The following PCDHGA4 variants were observed in gnomAD, a reference collection of about 807,000 sequenced individuals.
PCDHGA4 encodes the protein protocadherin gamma-A4.
In PCDHGA4, 38 loss-of-function variants were observed where a neutral mutation model predicts 54.6. The ratio of observed to expected loss-of-function variants is 0.70; its 90% CI spans 0.54 to 0.91. PCDHGA4 has a LOEUF of 0.91. PCDHGA4 is among the 40% of genes least tolerant of loss of function. PCDHGA4 has a pLI of 0.00. For synonymous variants in PCDHGA4, 511 were observed against 512.9 expected, an observed-to-expected ratio of 1.00 and a Z score of 0.05; for missense variants, 1,298 against 1,220.9, an observed-to-expected ratio of 1.06 and a Z score of -0.94.
intron 1 of PCDHGA4, chr5:141,372,557 C>T (rs1157406998): frequency 5.0e-6 from 8 of 1,614,048 alleles, no homozygotes; most frequent in Admixed American, 3.3e-5. Context: ...CCTCCAGACC[C>T]GCCACTGAGG....
In PCDHGA4 at chr5:141,485,576, C is replaced by T. The variant is rs1347032247; in HGVS notation, c.2515-9231C>T. ...GAATGATCACGCCCCCCGTTTTCCG[C>T]GGCAGCAGCTGGACTTGGAAATTGG... On this transcript the variant is annotated intron_variant, in intron 1 of 3. Transcript: ENST00000571252. The surrounding 1 kb of genome is among the most constrained non-coding windows in gnomAD (Gnocchi z 5.7). 21 of 1,612,296 alleles carry T rather than the reference C, an allele frequency of 1.3e-5. 1 individual carries two copies. Among genetic ancestry groups the T allele is most frequent in the Non-Finnish European group, 1.8e-5 (21 of 1,178,636 alleles).
At position 141,487,074 on chromosome 5, in the gene PCDHGA4, T is replaced by C; in HGVS notation, c.2515-7733T>C. The C allele has an allele frequency of 6.2e-7, 1 of 1,614,104 alleles. No homozygotes were observed. The highest frequency in any genetic ancestry group is 8.5e-7 in the Non-Finnish European group (1 of 1,179,978). Reference sequence around the variant, plus strand: ...GGGGAGGTGCGGACGGCTGTTCCTATCCCAGCTGACCTCCCACCACAGAAG... The same window carrying C: ...GGGGAGGTGCGGACGGCTGTTCCTACCCCAGCTGACCTCCCACCACAGAAG... On this transcript the variant is annotated intron_variant, in intron 1 of 3. Transcript: ENST00000571252. The surrounding 1 kb of genome is among the most constrained non-coding windows in gnomAD (Gnocchi z 5.0).
chr5:141,415,322 T>G (rs1226384298), intron 1 of PCDHGA4: 2 of 1,614,104 alleles, frequency 1.2e-6, no homozygotes, highest in South Asian at 2.2e-5. Flanking sequence ...ATCGTGCTGC[T>G]GGCGCACAGG....
chr5:141,355,046 A>T lies in PCDHGA4; in HGVS notation c.-62A>T. 1 of 1,149,106 alleles carries T rather than the reference A, an allele frequency of 8.7e-7. No individual in the cohort carries two copies. Among genetic ancestry groups the T allele is most frequent in the Non-Finnish European group, 1.2e-6 (1 of 841,190 alleles). The allele number at this position is 1,149,106 out of a possible 1,614,324, so 71.2% of individuals were successfully genotyped here. On this transcript the variant is annotated 5_prime_UTR_variant, in exon 1 of 4. Coordinates refer to ENST00000571252, the MANE Select transcript of PCDHGA4 (RefSeq NM_018917.4). ...AGAATCACAAGATTTCTGCAGCACA[A>T]AGCACTGGCTCTGGAGCTTTATGAA...
At chr5:141,504,743 G>A (rs924744762) in intron 2 of PCDHGA4, among the ~76,000 whole-genome samples, 5 of 151,982 alleles carry the variant, frequency 3.3e-5, no homozygotes, top group African/African-American at 9.7e-5. Context: ...GGAAGCCATT[G>A]AATTTTAGAA....
chr5:141,422,842 G>A (rs756990417), intron 1 of PCDHGA4: 5 of 1,614,228 alleles, frequency 3.1e-6, no homozygotes, highest in South Asian at 1.1e-5. Flanking sequence ...ACGTGACAGC[G>A]GGGACCCGCC....
chr5:141,454,564 G>A (rs896426143), intron 1 of PCDHGA4, among the ~76,000 whole-genome samples: 1 of 151,874 alleles, frequency 6.6e-6, no homozygotes, highest in Non-Finnish European at 1.5e-5. Context: ...GTGCCACCAC[G>A]CCCGGCTAAT....
chr5:141,413,211 G>A, intron 1 of PCDHGA4: 1 of 1,613,214 alleles, frequency 6.2e-7, no homozygotes, highest in South Asian at 1.1e-5. Context: ...AGGAATCAAA[G>A]GATTGCAGCG....
At chr5:141,361,246 A>T in intron 1 of PCDHGA4, 1 of 1,613,980 alleles carries the variant, frequency 6.2e-7, no homozygotes, top group South Asian at 1.1e-5. Flanking sequence ...CTTGATAAAA[A>T]CGAGAGACAG....
chr5:141,501,130 G>A (rs528942194), intron 2 of PCDHGA4, among the ~76,000 whole-genome samples: 5 of 152,100 alleles, frequency 3.3e-5, no homozygotes, highest in African/African-American at 4.8e-5. Flanking sequence ...GCCTCCCTAA[G>A]TGCTGGGATT....
At chr5:141,438,720 G>A (rs1393152221) in intron 1 of PCDHGA4, among the ~76,000 whole-genome samples, 1 of 147,892 alleles carries the variant, frequency 6.8e-6, no homozygotes, top group Non-Finnish European at 1.5e-5. Flanking sequence ...GAGTGCAAGT[G>A]GTGTGATCTC....
chr5:141,388,161 G>A (rs2150354529), intron 1 of PCDHGA4: 4 of 1,475,088 alleles, frequency 2.7e-6, no homozygotes, highest in South Asian at 1.2e-5. Flanking sequence ...GCTAGACAGG[G>A]AGGAGATATG....
intron 1 of PCDHGA4, among the ~76,000 whole-genome samples, chr5:141,458,215 T>C (rs2098940075): frequency 1.3e-5 from 2 of 152,174 alleles, no homozygotes; most frequent in African/African-American, 2.4e-5. Context: ...TTAAAATAAG[T>C]TTCCTTTCCC....
At chr5:141,415,804 A>C in intron 1 of PCDHGA4, 1 of 1,366,960 alleles carries the variant, frequency 7.3e-7, no homozygotes, top group Non-Finnish European at 9.4e-7. Flanking sequence ...AGTCTCAATC[A>C]AGGCCTATAT....
At chr5:141,385,285 G>C in intron 1 of PCDHGA4, 1 of 1,613,408 alleles carries the variant, frequency 6.2e-7, no homozygotes, top group Non-Finnish European at 8.5e-7. Flanking sequence ...AACATCCGTA[G>C]ATTTTCAGGA....
intron 1 of PCDHGA4, chr5:141,423,752 G>GC: frequency 1.6e-6 from 1 of 644,956 alleles, no homozygotes; most frequent in East Asian, 1.1e-4. Context: ...AAACTGTTTG[G>GC]GGGGGGGGTG....
chr5:141,360,438 G>A (rs1761598718), intron 1 of PCDHGA4: 1 of 1,613,844 alleles, frequency 6.2e-7, no homozygotes, highest in Non-Finnish European at 8.5e-7. Flanking sequence ...AGCAGCCTCT[G>A]TGTGTTCTGG....
At chr5:141,415,824 CT>C (rs1412807947) in intron 1 of PCDHGA4, 8 of 1,306,364 alleles carry the variant, frequency 6.1e-6, no homozygotes, top group Non-Finnish European at 7.8e-6. Flanking sequence ...TATCATAAGG[CT>C]TTGTTATGAT....
chr5:141,377,025 A>T (rs1378221523), intron 1 of PCDHGA4: 1 of 154,760 alleles, frequency 6.5e-6, no homozygotes, highest in Non-Finnish European at 1.4e-5. Context: ...AAAATTCAAG[A>T]TTGTCTTTGA....
Sources: allele counts gnomAD v4.1 joint callset (sites outside exome capture counted in the v4.1 genomes callset), GRCh38; gene constraint gnomAD v4.1.1; non-coding constraint Gnocchi (gnomAD v3.1); transcripts MANE v1.5; gene names NCBI Gene and HGNC (gene_info 2026-07-23, HGNC 2026-07-21).